Variants in SWT1 observed in about 807,000 individuals in gnomAD.
The protein encoded by SWT1 is transcriptional protein SWT1.
In SWT1, 33 loss-of-function variants were observed where a neutral mutation model predicts 107.3. The ratio of observed to expected loss-of-function variants is 0.31; its 90% CI spans 0.23 to 0.41. The LOEUF is 0.41. SWT1 is among the 10% of genes least tolerant of loss of function. The probability of loss-of-function intolerance (pLI) is 1.00; values close to 1 mark genes in which losing one functional copy is unlikely to be tolerated. For synonymous variants in SWT1, 345 were observed against 348.3 expected, an observed-to-expected ratio of 0.99 and a Z score of 0.11; for missense variants, 898 against 1,028.9, an observed-to-expected ratio of 0.87 and a Z score of 1.74.
intron 13 of SWT1, among the ~76,000 whole-genome samples, chr1:185,211,192 C>G (rs1658773621): frequency 6.6e-6 from 1 of 152,144 alleles, no homozygotes; most frequent in Non-Finnish European, 1.5e-5. Context: ...GAAAAAAATA[C>G]TTTAAATTTC....
chr1:185,177,850 A>G (rs923886663), intron 5 of SWT1, among the ~76,000 whole-genome samples: 1 of 152,210 alleles, frequency 6.6e-6, no homozygotes, highest in Admixed American at 6.5e-5. Flanking sequence ...GGCTACTTTT[A>G]AAAACAGCAT....
intron 10 of SWT1, among the ~76,000 whole-genome samples, chr1:185,200,152 G>T (rs1657751351): frequency 6.6e-6 from 1 of 151,792 alleles, no homozygotes; most frequent in Non-Finnish European, 1.5e-5. Context: ...CCTCTAACCT[G>T]TTTTTTCAAG....
chr1:185,197,675 T>A (rs1657513051), intron 10 of SWT1, among the ~76,000 whole-genome samples: 1 of 152,222 alleles, frequency 6.6e-6, no homozygotes, highest in South Asian at 2.1e-4. Flanking sequence ...TCTTCCTGAT[T>A]TAGACTTGGT....
intron 18 of SWT1, among the ~76,000 whole-genome samples, chr1:185,288,068 G>A (rs772499634): frequency 3.9e-5 from 6 of 152,082 alleles, no homozygotes; most frequent in African/African-American, 9.7e-5. Context: ...AGTTTGTTTC[G>A]TTTTTAAGTT....
At chr1:185,178,574 G>A (rs934189536) in intron 5 of SWT1, among the ~76,000 whole-genome samples, 22 of 152,160 alleles carry the variant, frequency 1.4e-4, no homozygotes, top group Admixed American at 2.0e-4. Flanking sequence ...ACAGTTAAAT[G>A]CATTAACTTT....
At chr1:185,191,385 G>GT (rs924193909) in intron 10 of SWT1, among the ~76,000 whole-genome samples, 6 of 151,354 alleles carry the variant, frequency 4.0e-5, no homozygotes, top group East Asian at 1.9e-4. Flanking sequence ...TTAATTTGCA[G>GT]TTTTTTTTTA....
chr1:185,246,041 T>C (rs547909052), intron 16 of SWT1, among the ~76,000 whole-genome samples: 1 of 152,252 alleles, frequency 6.6e-6, no homozygotes, highest in Non-Finnish European at 1.5e-5. Flanking sequence ...GTGCTGAGAT[T>C]ACAGGTGTGA....
intron 18 of SWT1, among the ~76,000 whole-genome samples, chr1:185,282,162 G>A (rs369260296): frequency 6.6e-6 from 1 of 152,228 alleles, no homozygotes; most frequent in Admixed American, 6.5e-5. Context: ...AAGACTCTTG[G>A]GGTCTATTTC....
At chr1:185,263,759 T>TA (rs1663191534) in intron 16 of SWT1, 1 of 152,174 alleles carries the variant, frequency 6.6e-6, no homozygotes. Flanking sequence ...CAAAGTCACA[T>TA]AAAGATGAAA....
rs199654861 is a variant in SWT1, at chr1:185,204,724, A to G, written c.1694A>G (p.Tyr565Cys). The part of the protein sequence containing the change: ...KAETTPLKES[Y>C]KEESTNSGLS... ...GAAACAACACCCTTGAAAGAGAGCTATAAGGAGGAATCTACAAATTCTGGA... is the reference window on the plus strand; with the variant it reads ...GAAACAACACCCTTGAAAGAGAGCTGTAAGGAGGAATCTACAAATTCTGGA... Residue 565 changes from tyrosine (Y) to cysteine (C), a missense_variant, in exon 12 of 19, where the codon TAT becomes TGT. By Grantham distance (194) the Tyr-to-Cys change is radical. Coordinates refer to ENST00000367500, the MANE Select transcript of SWT1 (RefSeq NM_017673.7). 29 of 1,589,530 alleles carry G rather than the reference A, an allele frequency of 1.8e-5. No individual in the cohort carries two copies. Among genetic ancestry groups the G allele is most frequent in the Admixed American group, 1.3e-4 (7 of 54,014 alleles).
At chr1:185,246,087 G>A (rs779572968) in intron 16 of SWT1, among the ~76,000 whole-genome samples, 13 of 152,008 alleles carry the variant, frequency 8.6e-5, no homozygotes, top group Middle Eastern at 3.4e-3. Flanking sequence ...AATCTTATGG[G>A]ACCACCATCA....
intron 16 of SWT1, among the ~76,000 whole-genome samples, chr1:185,270,571 G>C (rs1446247006): frequency 6.6e-6 from 1 of 152,030 alleles, no homozygotes; most frequent in Non-Finnish European, 1.5e-5. Flanking sequence ...AGCCCGACTT[G>C]GTGGCGCTTG....
chr1:185,274,659 A>C (rs1485606216), intron 17 of SWT1, among the ~76,000 whole-genome samples: 2 of 152,158 alleles, frequency 1.3e-5, no homozygotes, highest in East Asian at 3.8e-4. Context: ...TCTGGCTTTT[A>C]CTGTAAGTAG....
intron 16 of SWT1, among the ~76,000 whole-genome samples, chr1:185,245,101 T>C (rs1661512639): frequency 1.3e-5 from 2 of 152,056 alleles, no homozygotes; most frequent in South Asian, 4.1e-4. Flanking sequence ...TTTTTTATAT[T>C]TAAAAATAAA....
At position 185,242,114 on chromosome 1, in the gene SWT1, G is replaced by A. The variant is rs75752904; in HGVS notation, c.2441+10406G>A. On this transcript the variant is annotated intron_variant, in intron 16 of 18. Coordinates refer to ENST00000367500, the MANE Select transcript of SWT1 (RefSeq NM_017673.7). Reference sequence around the variant, plus strand: ...AGTTAGACTCAGGGAATATAAGCAGGCAGTTCTTGTTATATTATAGACACA... The same window carrying A: ...AGTTAGACTCAGGGAATATAAGCAGACAGTTCTTGTTATATTATAGACACA... Among the ~76,000 whole-genome samples, 849 of 152,230 alleles carry A rather than the reference G, an allele frequency of 5.6e-3. 34 individuals carry two copies. In the East Asian group the frequency reaches 0.094, roughly 17 times the overall value.
intron 16 of SWT1, among the ~76,000 whole-genome samples, chr1:185,265,476 G>A (rs747103194): frequency 3.3e-4 from 50 of 152,088 alleles, no homozygotes; most frequent in Non-Finnish European, 5.9e-4. Context: ...CATTTTCACC[G>A]AGTTTATCAA....
Position 185,290,662 on chromosome 1 carries a change from T to G in SWT1, c.2574-12T>G, listed in dbSNP as rs781690127. 2 of 1,561,160 alleles carry G rather than the reference T, an allele frequency of 1.3e-6. No individual in the cohort carries two copies. The highest frequency in any genetic ancestry group is 2.5e-5 in the South Asian group (2 of 80,350). ...CTGTCTTGCAATGATTTAATATTTC[T>G]TTTTCTCCTAGGGAAAAGTTAACCA... On this transcript the variant is annotated splice_polypyrimidine_tract_variant and intron_variant, in intron 18 of 18. Transcript: ENST00000367500.
intron 15 of SWT1, among the ~76,000 whole-genome samples, chr1:185,229,493 A>G (rs1186726490): frequency 2.6e-5 from 4 of 151,922 alleles, no homozygotes. Flanking sequence ...AATTGTATAA[A>G]TCTATATAAA....
At chr1:185,205,406 T>C (rs115999024) in intron 12 of SWT1, among the ~76,000 whole-genome samples, 3,467 of 152,332 alleles carry the variant, frequency 0.023, 126 homozygotes, top group African/African-American at 0.078. Context: ...CTCGCTCTTG[T>C]TGTCCAGGCT....
Sources: gnomAD v4.1 joint callset for allele counts (sites outside exome capture counted in the v4.1 genomes callset) on GRCh38, gnomAD v4.1.1 for gene constraint, MANE v1.5 for transcripts, NCBI Gene and HGNC (gene_info 2026-07-23, HGNC 2026-07-21) for gene names.